The following MBNL2 variants were observed in gnomAD, a reference collection of about 807,000 sequenced individuals.
The protein encoded by MBNL2 is muscleblind like splicing regulator 2.
A neutral mutation model predicts 41.9 loss-of-function variants in MBNL2; 17 were observed. That is an observed-to-expected ratio of 0.41 (90% CI 0.28 to 0.61). The LOEUF is 0.61. Ranked by LOEUF, MBNL2 falls within the 20% of genes least tolerant of loss-of-function variation. The probability of loss-of-function intolerance (pLI) is 0.35; values close to 1 mark genes in which losing one functional copy is unlikely to be tolerated. For synonymous variants in MBNL2, 195 were observed against 182.9 expected, an observed-to-expected ratio of 1.07 and a Z score of -0.53; for missense variants, 336 against 505.6, an observed-to-expected ratio of 0.66 and a Z score of 3.22.
chr13:97,231,738 C>T (rs1045073998), intron 1 of MBNL2, among the ~76,000 whole-genome samples: 11 of 152,158 alleles, frequency 7.2e-5, no homozygotes, highest in African/African-American at 2.7e-4. Context: ...TCACAAGTTC[C>T]CCAAGAGATT....
At chr13:97,179,963 C>A in the MBNL2 span, among the ~76,000 whole-genome samples, 2 of 152,204 alleles carry the variant, frequency 1.3e-5, no homozygotes, top group East Asian at 1.9e-4. Flanking sequence ...CGTTCAATTG[C>A]ATAGAGCATG....
intron 8 of MBNL2, among the ~76,000 whole-genome samples, chr13:97,369,725 T>C (rs890261178): frequency 1.3e-5 from 2 of 152,244 alleles, no homozygotes; most frequent in African/African-American, 4.8e-5. Context: ...CAAGCCACTC[T>C]ATCCTCAGGC....
chr13:97,180,957 A>C, the MBNL2 span, among the ~76,000 whole-genome samples: 17 of 152,222 alleles, frequency 1.1e-4, no homozygotes, highest in East Asian at 3.1e-3. Flanking sequence ...TCTAAGGGAT[A>C]ATCTATTCTC....
intron 3 of MBNL2, among the ~76,000 whole-genome samples, chr13:97,340,282 A>G (rs1281235691): frequency 6.6e-6 from 1 of 152,256 alleles, no homozygotes; most frequent in South Asian, 2.1e-4. Flanking sequence ...AAAAAGGAAC[A>G]TATCCAACTG....
At chr13:97,285,757 G>A (rs765517618) in intron 2 of MBNL2, among the ~76,000 whole-genome samples, 2 of 150,936 alleles carry the variant, frequency 1.3e-5, no homozygotes, top group Non-Finnish European at 2.9e-5. Context: ...TGAGGGCACA[G>A]TGAATTTATC....
At chr13:97,375,050 C>T (rs972456121) in intron 8 of MBNL2, among the ~76,000 whole-genome samples, 3 of 151,462 alleles carry the variant, frequency 2.0e-5, no homozygotes, top group Non-Finnish European at 1.5e-5. Context: ...CACACGTCTG[C>T]CTGCGCATTT....
At chr13:97,197,387 G>C in the MBNL2 span, among the ~76,000 whole-genome samples, 1 of 151,974 alleles carries the variant, frequency 6.6e-6, no homozygotes, top group Non-Finnish European at 1.5e-5. Context: ...AATGATTTCT[G>C]GTTCCTAGTT....
At chr13:97,327,420 A>G (rs2059990439) in intron 2 of MBNL2, among the ~76,000 whole-genome samples, 1 of 152,084 alleles carries the variant, frequency 6.6e-6, no homozygotes, top group African/African-American at 2.4e-5. Flanking sequence ...TGGAAAAAAT[A>G]TAGATAACAA....
At chr13:97,250,691 T>C (rs965718855) in intron 1 of MBNL2, among the ~76,000 whole-genome samples, 2 of 152,216 alleles carry the variant, frequency 1.3e-5, no homozygotes, top group African/African-American at 4.8e-5. Flanking sequence ...AAAAGAAGTC[T>C]GTCCAGGCTT....
intron 2 of MBNL2, among the ~76,000 whole-genome samples, chr13:97,283,922 T>G (rs767999458): frequency 3.9e-5 from 6 of 152,204 alleles, no homozygotes; most frequent in Non-Finnish European, 7.3e-5. Flanking sequence ...TTTCAGGGCA[T>G]CAGGCACCTC....
intron 8 of MBNL2, among the ~76,000 whole-genome samples, chr13:97,375,821 A>C (rs2220971): frequency 0.31 from 47,812 of 152,070 alleles, 7,874 homozygotes; most frequent in African/African-American, 0.4. Flanking sequence ...ATGATAGAAG[A>C]AGAGAGAACA....
intron 1 of MBNL2, among the ~76,000 whole-genome samples, chr13:97,227,839 C>T (rs920912670): frequency 3.9e-5 from 6 of 152,130 alleles, no homozygotes; most frequent in Admixed American, 3.3e-4. Context: ...GGTTGATTTG[C>T]TTTGCTTTTT....
In MBNL2 at chr13:97,366,493, C is replaced by T. The variant is rs2063853698; in HGVS notation, c.1048+1322C>T. 1.9e-6 allele frequency: 3 copies of T among 1,612,440 alleles called. No individual in the cohort carries two copies. The highest frequency in any genetic ancestry group is 2.5e-6 in the Non-Finnish European group (3 of 1,178,562). ...TGCACAGCGCTACGTCCGCCACTGT[C>T]TCTGCAGCAACAACTCCTGCAACAA... is the stretch of plus-strand genomic sequence containing the variant. On this transcript the variant is annotated intron_variant, in intron 8 of 8. Coordinates refer to ENST00000679496, the MANE Select transcript of MBNL2 (RefSeq NM_001382683.1). This position sits in a 1 kb window ranked among gnomAD's most constrained non-coding sequence, Gnocchi z 4.7.
chr13:97,186,018 T>C, the MBNL2 span, among the ~76,000 whole-genome samples: 299 of 152,344 alleles, frequency 2.0e-3, 3 homozygotes, highest in African/African-American at 6.9e-3. Context: ...CCTCCAGGTT[T>C]AGATTCGTGA....
At chr13:97,234,508 G>T (rs1431164907) in intron 1 of MBNL2, among the ~76,000 whole-genome samples, 2 of 152,090 alleles carry the variant, frequency 1.3e-5, no homozygotes, top group Non-Finnish European at 2.9e-5. Flanking sequence ...GGGGCGGGGG[G>T]TAGTGAATAG....
chr13:97,209,029 G>A, the MBNL2 span, among the ~76,000 whole-genome samples: 19 of 152,024 alleles, frequency 1.2e-4, no homozygotes, highest in Admixed American at 1.1e-3. Context: ...TCTTAAATGC[G>A]GGGGCAAACA....
At chr13:97,164,529 T>C in the MBNL2 span, among the ~76,000 whole-genome samples, 2 of 152,262 alleles carry the variant, frequency 1.3e-5, no homozygotes, top group East Asian at 3.9e-4. Flanking sequence ...AAATGCCTAA[T>C]TGCAAGTTTA....
chr13:97,156,683 T>C, the MBNL2 span, among the ~76,000 whole-genome samples: 2 of 146,162 alleles, frequency 1.4e-5, no homozygotes, highest in African/African-American at 5.1e-5. Context: ...TTTTCTCAGG[T>C]TTGTCAAAGA....
At chr13:97,171,765 C>T in the MBNL2 span, among the ~76,000 whole-genome samples, 1 of 152,166 alleles carries the variant, frequency 6.6e-6, no homozygotes, top group Non-Finnish European at 1.5e-5. Context: ...ACCCAAATCT[C>T]ATCTTGAATT....
Sources: allele counts gnomAD v4.1 joint callset (sites outside exome capture counted in the v4.1 genomes callset), GRCh38; gene constraint gnomAD v4.1.1; non-coding constraint Gnocchi (gnomAD v3.1); transcripts MANE v1.5; gene names NCBI Gene and HGNC (gene_info 2026-07-23, HGNC 2026-07-21).